The following LAMA2 variants were observed in gnomAD, a reference collection of about 807,000 sequenced individuals.
LAMA2 encodes the protein laminin subunit alpha 2.
A neutral mutation model predicts 364.8 loss-of-function variants in LAMA2; 269 were observed. The observed-to-expected ratio is 0.74, with a 90% confidence interval of 0.67 to 0.82. The LOEUF (loss-of-function observed/expected upper bound fraction) is 0.82, where lower values mean the gene tolerates loss of function less well. Ranked by LOEUF, LAMA2 falls within the 40% of genes least tolerant of loss-of-function variation. The probability of loss-of-function intolerance (pLI) is 0.00; values close to 1 mark genes in which losing one functional copy is unlikely to be tolerated. For missense variants in LAMA2, 3,807 were observed against 3,873.2 expected (o/e 0.98, Z 0.45); for synonymous variants, 1,379 against 1,370.6 (o/e 1.01, Z -0.14).
chr6:129,121,150 T>C (rs1037596478), intron 4 of LAMA2, among the ~76,000 whole-genome samples: 1 of 152,194 alleles, frequency 6.6e-6, no homozygotes, highest in Non-Finnish European at 1.5e-5. Context: ...CCCGCACTGA[T>C]GGTGGGCTTG....
chr6:129,365,226 A>G (rs1777692318), intron 32 of LAMA2, among the ~76,000 whole-genome samples: 1 of 152,248 alleles, frequency 6.6e-6, no homozygotes, highest in East Asian at 1.9e-4. Context: ...TCATCAAAGT[A>G]GGGATTTGTG....
chr6:129,335,303 C>T lies in LAMA2; in HGVS notation c.4311+6891C>T, dbSNP rs182331644. On this transcript the variant is annotated intron_variant, in intron 29 of 64. Coordinates refer to ENST00000421865, the MANE Select transcript of LAMA2 (RefSeq NM_000426.4). Reference sequence around the variant, plus strand: ...TGTAATACTGAGTCCAAGGGGATAGCGGGAGGTAAGTGAACTAACAGTAAC... The same window carrying T: ...TGTAATACTGAGTCCAAGGGGATAGTGGGAGGTAAGTGAACTAACAGTAAC... Among the ~76,000 whole-genome samples, 5 of 151,644 alleles carry T rather than the reference C, an allele frequency of 3.3e-5. No individual in the cohort carries two copies. The East Asian group carries it at 5.8e-4, about 18-fold the overall frequency.
At chr6:129,476,800 C>T (rs994556523) in intron 53 of LAMA2, among the ~76,000 whole-genome samples, 1 of 126,018 alleles carries the variant, frequency 7.9e-6, no homozygotes, top group East Asian at 2.1e-4. Flanking sequence ...TTCTTTATAA[C>T]AACCAGCTGA....
At chr6:129,177,465 A>C (rs1378494648) in intron 9 of LAMA2, among the ~76,000 whole-genome samples, 2 of 152,154 alleles carry the variant, frequency 1.3e-5, no homozygotes, top group Non-Finnish European at 2.9e-5. Flanking sequence ...TTGAGATTTC[A>C]TCTTTCTTGT....
chr6:129,442,160 T>A, intron 43 of LAMA2: 1 of 1,264,006 alleles, frequency 7.9e-7, no homozygotes, highest in Admixed American at 2.3e-5. Context: ...TGGTATTATA[T>A]GCCATAAAAT....
intron 33 of LAMA2, among the ~76,000 whole-genome samples, chr6:129,369,432 C>T (rs1583590278): frequency 6.6e-6 from 1 of 152,270 alleles, no homozygotes; most frequent in Admixed American, 6.5e-5. Flanking sequence ...AGCCAGGTCT[C>T]TATGTTAAGG....
At chr6:128,974,297 T>A (rs1177529972) in intron 1 of LAMA2, among the ~76,000 whole-genome samples, 1 of 152,110 alleles carries the variant, frequency 6.6e-6, no homozygotes, top group Admixed American at 6.6e-5. Context: ...TACCCTCTAT[T>A]AATTGCTAAA....
chr6:129,430,686 C>G (rs992864926), intron 41 of LAMA2, among the ~76,000 whole-genome samples: 1 of 151,968 alleles, frequency 6.6e-6, no homozygotes, highest in African/African-American at 2.4e-5. Flanking sequence ...TTTTTAAGGC[C>G]GGGCGCAGTG....
intron 1 of LAMA2, among the ~76,000 whole-genome samples, chr6:128,992,756 G>C (rs1338535983): frequency 1.3e-5 from 2 of 152,004 alleles, no homozygotes; most frequent in Admixed American, 1.3e-4. Flanking sequence ...CCAGCTCTTT[G>C]TTTGTTTTGT....
intron 3 of LAMA2, among the ~76,000 whole-genome samples, chr6:129,085,673 A>G (rs1419253729): frequency 6.6e-6 from 1 of 152,170 alleles, no homozygotes; most frequent in African/African-American, 2.4e-5. Context: ...GGAGTTCTCT[A>G]AGGACTGTGA....
intron 14 of LAMA2, among the ~76,000 whole-genome samples, chr6:129,253,981 C>A (rs1380340592): frequency 6.6e-6 from 1 of 152,220 alleles, no homozygotes. Context: ...CTCCTACCCA[C>A]TCAGGTGAGC....
At chr6:129,499,370 T>C (rs1785448120) in intron 58 of LAMA2, among the ~76,000 whole-genome samples, 3 of 152,112 alleles carry the variant, frequency 2.0e-5, no homozygotes, top group Admixed American at 2.0e-4. Flanking sequence ...CGCCTTCAAG[T>C]ATACACTAGC....
intron 17 of LAMA2, among the ~76,000 whole-genome samples, chr6:129,279,159 G>A (rs3778114): frequency 0.18 from 26,857 of 152,096 alleles, 2,531 homozygotes; most frequent in South Asian, 0.27. Flanking sequence ...CCTTTAAAAC[G>A]GTAGCGCAAC....
At chr6:129,476,025 G>A (rs1469329818) in intron 53 of LAMA2, among the ~76,000 whole-genome samples, 1 of 152,182 alleles carries the variant, frequency 6.6e-6, no homozygotes, top group African/African-American at 2.4e-5. Flanking sequence ...TAGTAAAGAA[G>A]TGTGAGATAG....
rs559791728 is a variant in LAMA2, at chr6:129,512,620, T to C, written c.8988+127T>C. The C allele has an allele frequency of 9.5e-6, 10 of 1,048,784 alleles. No individual in the cohort carries two copies. In the East Asian group the frequency reaches 1.2e-4, roughly 13 times the overall value. The allele number at this position is 1,048,784 out of a possible 1,614,324, so 65.0% of individuals were successfully genotyped here. ...TATTCTTTGTTGGGAGAAAGCTAAATTGTATGTTTTCATCCTTCTGGATTA... is the reference window on the plus strand; with the variant it reads ...TATTCTTTGTTGGGAGAAAGCTAAACTGTATGTTTTCATCCTTCTGGATTA... On this transcript the variant is annotated intron_variant, in intron 63 of 64. Coordinates refer to ENST00000421865, the MANE Select transcript of LAMA2 (RefSeq NM_000426.4).
intron 64 of LAMA2, among the ~76,000 whole-genome samples, chr6:129,515,919 T>A (rs994407844): frequency 6.6e-6 from 1 of 152,014 alleles, no homozygotes; most frequent in Admixed American, 6.6e-5. Context: ...GAAGGGAGGA[T>A]CGCTTGAGCC....
chr6:128,938,180 C>T (rs567904351), intron 1 of LAMA2, among the ~76,000 whole-genome samples: 2 of 152,150 alleles, frequency 1.3e-5, no homozygotes, highest in African/African-American at 4.8e-5. Context: ...CATTTAAACT[C>T]TCAGTGCCTC....
chr6:129,406,519 T>G (rs1212496840), intron 40 of LAMA2, among the ~76,000 whole-genome samples: 1 of 151,988 alleles, frequency 6.6e-6, no homozygotes, highest in East Asian at 1.9e-4. Context: ...CTCTAGAGGG[T>G]GCAAGGAAAA....
chr6:129,230,615 C>T (rs1384365000), intron 12 of LAMA2, among the ~76,000 whole-genome samples: 5 of 151,874 alleles, frequency 3.3e-5, no homozygotes, highest in Non-Finnish European at 7.4e-5. Context: ...GAAAAAGTAT[C>T]CAGGAACATA....
Sources: allele counts gnomAD v4.1 joint callset (sites outside exome capture counted in the v4.1 genomes callset), GRCh38; gene constraint gnomAD v4.1.1; transcripts MANE v1.5; gene names NCBI Gene and HGNC (gene_info 2026-07-23, HGNC 2026-07-21).